The following LINGO3 variants were observed in gnomAD, a reference collection of about 807,000 sequenced individuals.
LINGO3 encodes leucine rich repeat and Ig domain containing 3, also known as leucine-rich repeat and immunoglobulin-like domain-containing nogo receptor-interacting protein 3.
For missense variants in LINGO3, 750 were observed against 867.7 expected (o/e 0.86, Z 1.70); for synonymous variants, 427 against 444.2 (o/e 0.96, Z 0.49).
chr19:2,301,950 GGAAAA>G, the LINGO3 span, among the ~76,000 whole-genome samples: 19 of 146,668 alleles, frequency 1.3e-4, no homozygotes, highest in African/African-American at 3.3e-4. Context: ...AAAAAAAAGA[GGAAAA>G]GAAAAGAAAA....
At chr19:2,300,300 A>G in the LINGO3 span, among the ~76,000 whole-genome samples, 6 of 152,018 alleles carry the variant, frequency 3.9e-5, no homozygotes, top group African/African-American at 1.2e-4. Flanking sequence ...CCAAGGTGCT[A>G]GGATGACAGG....
downstream of LINGO3, among the ~76,000 whole-genome samples, chr19:2,289,041 G>C (rs1250565967): frequency 6.6e-6 from 1 of 151,402 alleles, no homozygotes. Context: ...GTGTGTTCCA[G>C]TGTGAGCTGA....
chr19:2,291,356 G>A, exon 1 of LINGO3: 2 of 1,613,418 alleles, frequency 1.2e-6, no homozygotes, highest in South Asian at 2.2e-5. Flanking sequence ...TAGTCCAGCA[G>A]GATTACCAGC....
chr19:2,292,313 G>C (rs2025532352), upstream of LINGO3, among the ~76,000 whole-genome samples: 1 of 146,654 alleles, frequency 6.8e-6, no homozygotes, highest in South Asian at 2.3e-4. Context: ...CAGGAGGATT[G>C]CTTGAGCCCA....
chr19:2,288,604 C>T (rs550871860), downstream of LINGO3, among the ~76,000 whole-genome samples: 2 of 152,174 alleles, frequency 1.3e-5, no homozygotes, highest in South Asian at 2.1e-4. The surrounding 1 kb of genome is among the most constrained non-coding windows in gnomAD (Gnocchi z 6.5). Flanking sequence ...CTGGGAAGCA[C>T]GTGGCAGCGG....
chr19:2,289,662 G>A (rs953811604), downstream of LINGO3: 11 of 289,166 alleles, frequency 3.8e-5, no homozygotes, highest in East Asian at 2.3e-4. Flanking sequence ...TGCGGGCCCT[G>A]AGGATCCTGG....
the LINGO3 span, among the ~76,000 whole-genome samples, chr19:2,307,483 C>T: frequency 2.0e-5 from 3 of 152,100 alleles, no homozygotes; most frequent in African/African-American, 7.2e-5. Context: ...GGCACCCACT[C>T]AGGGTGCCCA....
chr19:2,291,579 G>A, exon 1 of LINGO3: 1 of 1,566,754 alleles, frequency 6.4e-7, no homozygotes, highest in Middle Eastern at 1.7e-4. Flanking sequence ...TCAGGCAGCG[G>A]ATGCGGTTGC....
chr19:2,299,274 C>T, the LINGO3 span, among the ~76,000 whole-genome samples: 2 of 152,124 alleles, frequency 1.3e-5, no homozygotes, highest in Non-Finnish European at 2.9e-5. Context: ...TGACATGTCC[C>T]CTAAGGGTCT....
At chr19:2,296,299 G>C (rs2025571308), upstream of LINGO3, among the ~76,000 whole-genome samples, 2 of 152,002 alleles carry the variant, frequency 1.3e-5, no homozygotes, top group South Asian at 4.1e-4. Flanking sequence ...CACAGCCCAG[G>C]TGTGGCGGCT....
At chr19:2,307,820 C>A in the LINGO3 span, among the ~76,000 whole-genome samples, 1 of 152,156 alleles carries the variant, frequency 6.6e-6, no homozygotes, top group African/African-American at 2.4e-5. Flanking sequence ...GATGCCCACC[C>A]GATTCCCCGC....
At chr19:2,304,337 AG>A in the LINGO3 span, among the ~76,000 whole-genome samples, 2 of 152,102 alleles carry the variant, frequency 1.3e-5, no homozygotes, top group Non-Finnish European at 2.9e-5. Flanking sequence ...TAAACAGGGA[AG>A]GGGGGCCTGG....
chr19:2,294,378 C>G (rs531109630), upstream of LINGO3, among the ~76,000 whole-genome samples: 365 of 152,162 alleles, frequency 2.4e-3, 1 homozygote, highest in African/African-American at 8.5e-3. The surrounding 1 kb of genome is among the most constrained non-coding windows in gnomAD (Gnocchi z 4.3). Flanking sequence ...CCCGGCCCTG[C>G]GGACACCTTG....
chr19:2,298,782 G>A, the LINGO3 span, among the ~76,000 whole-genome samples: 4 of 151,960 alleles, frequency 2.6e-5, no homozygotes, highest in African/African-American at 2.4e-5. Flanking sequence ...CTCGTGATCC[G>A]CCCACCTCGG....
the LINGO3 span, among the ~76,000 whole-genome samples, chr19:2,300,114 C>T: frequency 6.6e-6 from 1 of 150,746 alleles, no homozygotes; most frequent in Non-Finnish European, 1.5e-5. Context: ...TCACCGCAGC[C>T]TTCGCCTCCC....
chr19:2,304,918 A>G, the LINGO3 span, among the ~76,000 whole-genome samples: 2 of 151,858 alleles, frequency 1.3e-5, no homozygotes, highest in African/African-American at 4.8e-5. Context: ...CATGTTGGCC[A>G]GGCTGGTCTC....
chr19:2,293,052 T>G (rs1054866137), upstream of LINGO3, among the ~76,000 whole-genome samples: 1 of 139,472 alleles, frequency 7.2e-6, no homozygotes, highest in Admixed American at 7.4e-5. Flanking sequence ...GGCCACACTG[T>G]ATGACCCCGT....
At chr19:2,289,375 C>T (rs1238461287), downstream of LINGO3, among the ~76,000 whole-genome samples, 1 of 151,802 alleles carries the variant, frequency 6.6e-6, no homozygotes, top group Non-Finnish European at 1.5e-5. Context: ...CTGCGGTCAG[C>T]TCTGGTGCCC....
At chr19:2,306,411 C>G in the LINGO3 span, among the ~76,000 whole-genome samples, 1 of 152,216 alleles carries the variant, frequency 6.6e-6, no homozygotes, top group Non-Finnish European at 1.5e-5. Flanking sequence ...TCAAGAGGCT[C>G]TACCTGGTGA....
Sources: gnomAD v4.1 joint callset for allele counts (sites outside exome capture counted in the v4.1 genomes callset) on GRCh38, gnomAD v4.1.1 for gene constraint, Gnocchi (gnomAD v3.1) non-coding constraint, MANE v1.5 for transcripts, NCBI Gene and HGNC (gene_info 2026-07-23, HGNC 2026-07-21) for gene names.